The following OPCML variants were observed in gnomAD, a reference collection of about 807,000 sequenced individuals.
OPCML encodes opioid-binding protein/cell adhesion molecule.
OPCML carries 13 observed loss-of-function variants against 37.8 expected under a neutral mutation model. That is an observed-to-expected ratio of 0.34 (90% confidence interval 0.22 to 0.55). OPCML has a LOEUF of 0.55. Among genes scored for constraint, OPCML ranks in the 20% least tolerant of loss-of-function variants. The pLI, the probability that OPCML is intolerant of heterozygous loss-of-function variation, is 0.91. For synonymous variants in OPCML, 176 were observed against 168.8 expected (o/e 1.04, Z -0.33); for missense variants, 341 against 435.6 (o/e 0.78, Z 1.93).
intron 4 of OPCML, among the ~76,000 whole-genome samples, chr11:132,472,226 T>A (rs777533511): frequency 1.3e-5 from 2 of 152,216 alleles, no homozygotes; most frequent in Non-Finnish European, 2.9e-5. Flanking sequence ...AGTTCTAGCT[T>A]CCATTATTAG....
intron 1 of OPCML, among the ~76,000 whole-genome samples, chr11:133,096,130 A>ATGTGTGTG (rs59616366): frequency 0.019 from 2,820 of 150,184 alleles, 77 homozygotes; most frequent in African/African-American, 0.062. Context: ...TTGTGCACAA[A>ATGTGTGTG]TGTGTGTGTG....
chr11:133,059,350 G>C (rs529676449), intron 1 of OPCML, among the ~76,000 whole-genome samples: 1 of 152,268 alleles, frequency 6.6e-6, no homozygotes, highest in East Asian at 1.9e-4. Flanking sequence ...AGACCTTTTA[G>C]GGAGGTCAGA....
Position 132,419,992 on chromosome 11 carries a change from C to A in OPCML, c.*201G>T, listed in dbSNP as rs898878413. The A allele has an allele frequency of 6.0e-6, 3 of 501,084 alleles. No homozygotes were observed. The highest frequency in any genetic ancestry group is 1.1e-5 in the Non-Finnish European group (3 of 277,534). 31.0% of individuals were successfully genotyped at this position (501,084 alleles called of 1,614,324 possible). On this transcript the variant is annotated 3_prime_UTR_variant, in exon 8 of 8. Transcript: ENST00000524381. ...AATGATTATCCTACACGTGGTAGAA[C>A]CCTGCCCACCCCGCCCCCAACCCCA...
intron 1 of OPCML, among the ~76,000 whole-genome samples, chr11:133,040,104 A>T (rs1279126485): frequency 1.3e-5 from 2 of 151,740 alleles, no homozygotes; most frequent in Admixed American, 6.6e-5. Context: ...CAAGCAGAAC[A>T]CGTCCAGAAT....
chr11:133,437,547 G>T (rs539751068), intron 1 of OPCML, among the ~76,000 whole-genome samples: 8 of 152,050 alleles, frequency 5.3e-5, no homozygotes, highest in Admixed American at 5.2e-4. Flanking sequence ...CTTCCCTTCC[G>T]CTTTGAATGC....
At chr11:132,670,389 G>A (rs1035506617) in intron 2 of OPCML, among the ~76,000 whole-genome samples, 4 of 152,110 alleles carry the variant, frequency 2.6e-5, no homozygotes, top group Non-Finnish European at 4.4e-5. Flanking sequence ...CCCACAGACG[G>A]GCAAGACCAC....
intron 1 of OPCML, among the ~76,000 whole-genome samples, chr11:133,294,312 G>T (rs1037850003): frequency 6.6e-6 from 1 of 152,150 alleles, no homozygotes; most frequent in East Asian, 1.9e-4. Context: ...TGGTGCTTGA[G>T]ATCAGGGGCT....
intron 1 of OPCML, among the ~76,000 whole-genome samples, chr11:132,995,725 C>A (rs962875642): frequency 6.6e-6 from 1 of 152,132 alleles, no homozygotes; most frequent in African/African-American, 2.4e-5. Context: ...AGGGCTAAAA[C>A]CAACCAACCA....
At chr11:132,752,909 C>T (rs1945887764) in intron 2 of OPCML, among the ~76,000 whole-genome samples, 3 of 152,140 alleles carry the variant, frequency 2.0e-5, no homozygotes, top group Admixed American at 1.3e-4. Context: ...TTCTTCATTC[C>T]CATCTCCACT....
intron 7 of OPCML, among the ~76,000 whole-genome samples, chr11:132,434,939 C>A (rs946056962): frequency 1.3e-5 from 2 of 152,088 alleles, no homozygotes; most frequent in Non-Finnish European, 2.9e-5. Context: ...AAACCCCTTC[C>A]CCTGAAACAC....
intron 2 of OPCML, among the ~76,000 whole-genome samples, chr11:132,710,566 G>A (rs767000798): frequency 6.6e-6 from 1 of 152,100 alleles, no homozygotes; most frequent in Non-Finnish European, 1.5e-5. Context: ...TTAAAAGTAA[G>A]TGAAGGCTGG....
intron 2 of OPCML, among the ~76,000 whole-genome samples, chr11:132,668,161 G>A (rs1942303654): frequency 2.6e-5 from 4 of 152,176 alleles, no homozygotes; most frequent in Admixed American, 2.0e-4. Flanking sequence ...TGAAATAAGT[G>A]TGAAATGAGC....
At chr11:132,539,035 A>G (rs1257972222) in intron 3 of OPCML, among the ~76,000 whole-genome samples, 1 of 152,216 alleles carries the variant, frequency 6.6e-6, no homozygotes, top group Admixed American at 6.5e-5. Context: ...GATGTAATAT[A>G]TTCATTGAAA....
chr11:132,671,823 A>G (rs1176610073), intron 2 of OPCML, among the ~76,000 whole-genome samples: 1 of 152,148 alleles, frequency 6.6e-6, no homozygotes, highest in Non-Finnish European at 1.5e-5. Flanking sequence ...AGAGAAGGAG[A>G]GAGAAAAGGA....
intron 2 of OPCML, among the ~76,000 whole-genome samples, chr11:132,879,161 A>C (rs1372705716): frequency 6.6e-6 from 1 of 152,242 alleles, no homozygotes; most frequent in Non-Finnish European, 1.5e-5. Context: ...GAAATCACTG[A>C]TTCTGGTTTA....
chr11:133,142,674 G>A (rs1949840149), intron 1 of OPCML, among the ~76,000 whole-genome samples: 1 of 152,104 alleles, frequency 6.6e-6, no homozygotes, highest in African/African-American at 2.4e-5. Context: ...TGCATGAGCT[G>A]CCTATTTCCA....
At chr11:133,357,142 G>GTT (rs1448487023) in intron 1 of OPCML, among the ~76,000 whole-genome samples, 1 of 152,166 alleles carries the variant, frequency 6.6e-6, no homozygotes, top group Non-Finnish European at 1.5e-5. Flanking sequence ...AAAAATAACT[G>GTT]TTATGTATTC....
chr11:133,422,376 A>ATT lies in OPCML; in HGVS notation c.61+109886_61+109887dup, dbSNP rs201959813. On this transcript the variant is annotated intron_variant, in intron 1 of 7. Coordinates refer to ENST00000524381, the MANE Select transcript of OPCML (RefSeq NM_001012393.5). ...CCATTTTTTCTCTCAGACCAAAGAC[A>ATT]TTATATATATATATATATGTATATA... 54 of 890,992 alleles carry ATT rather than the reference A, an allele frequency of 6.1e-5. 1 individual carries two copies. In the East Asian group the frequency reaches 1.4e-3, roughly 23 times the overall value. 55.2% of individuals were successfully genotyped at this position (890,992 alleles called of 1,614,324 possible). A position where few individuals can be genotyped will look rare whatever the true frequency, so the allele number is the denominator to read the frequency against.
intron 2 of OPCML, among the ~76,000 whole-genome samples, chr11:132,754,445 G>C (rs994933763): frequency 6.6e-6 from 1 of 152,126 alleles, no homozygotes; most frequent in Admixed American, 6.5e-5. Flanking sequence ...GATGTGACTT[G>C]CTCTTACTTA....
Sources: allele counts gnomAD v4.1 joint callset (sites outside exome capture counted in the v4.1 genomes callset), GRCh38; gene constraint gnomAD v4.1.1; transcripts MANE v1.5; gene names NCBI Gene and HGNC (gene_info 2026-07-23, HGNC 2026-07-21).